GFRAL: variants seen among roughly 807,000 people sequenced by gnomAD.
The protein encoded by GFRAL is GDNF family receptor alpha like.
A neutral mutation model predicts 45.4 loss-of-function variants in GFRAL; 36 were observed. The ratio of observed to expected loss-of-function variants is 0.79; its 90% CI spans 0.61 to 1.05. The LOEUF is 1.05. GFRAL is among the 50% of genes least tolerant of loss of function. GFRAL has a pLI of 0.00. For missense variants in GFRAL, 507 were observed against 467.5 expected (o/e 1.08, Z -0.78); for synonymous variants, 166 against 154.1 (o/e 1.08, Z -0.57).
rs571517288 is a variant in GFRAL at position 55,360,836 on chromosome 6, G to A, written c.952+1698G>A. On this transcript the variant is annotated intron_variant, in intron 6 of 8. Transcript: ENST00000340465. Reference sequence around the variant, plus strand: ...TAATATATACAGTTATATAATAATGGTTATTTATAGGTTCTTTCTAATATT... The same window carrying A: ...TAATATATACAGTTATATAATAATGATTATTTATAGGTTCTTTCTAATATT... Among the ~76,000 whole-genome samples, 25 of 151,842 alleles carry A rather than the reference G, an allele frequency of 1.6e-4. No homozygotes were observed. The South Asian group carries it at 5.0e-3, about 30-fold the overall frequency.
chr6:55,366,872 A>G (rs1327789446), intron 6 of GFRAL, among the ~76,000 whole-genome samples: 1 of 106,536 alleles, frequency 9.4e-6, no homozygotes, highest in African/African-American at 4.5e-5. Flanking sequence ...TATGTGGTCA[A>G]TTTTGGAATA....
chr6:55,352,845 CA>C (rs1458705432), intron 5 of GFRAL, among the ~76,000 whole-genome samples: 6 of 151,494 alleles, frequency 4.0e-5, no homozygotes, highest in East Asian at 1.9e-4. Flanking sequence ...TTTATTAATT[CA>C]AAAAAAATTT....
intron 6 of GFRAL, among the ~76,000 whole-genome samples, chr6:55,361,238 C>A (rs578167500): frequency 2.6e-5 from 4 of 152,034 alleles, no homozygotes; most frequent in South Asian, 4.1e-4. Context: ...TTAAAGGAAC[C>A]TCAAAGGCCT....
At position 55,399,387 on chromosome 6, in the gene GFRAL, C is replaced by A; in HGVS notation, c.1067C>A (p.Ala356Asp). Residue 356 changes from alanine to aspartate, a missense_variant, in exon 8 of 9, where the codon GCC becomes GAC. Transcript: ENST00000340465. ...SPFNGEVIYA[A>D]MCMTVTCGIL... ...TTTCTAGGAGAAGTAATCTATGCTGCCATGTGCATGACAGTCACCTGTGGA... is the reference window on the plus strand; with the variant it reads ...TTTCTAGGAGAAGTAATCTATGCTGACATGTGCATGACAGTCACCTGTGGA... 6.2e-7 allele frequency: 1 copy of A among 1,610,134 alleles called. No homozygotes were observed. Among genetic ancestry groups the A allele is most frequent in the Non-Finnish European group, 8.5e-7 (1 of 1,176,630 alleles).
At chr6:55,373,165 G>A (rs989895874) in intron 6 of GFRAL, among the ~76,000 whole-genome samples, 4 of 151,986 alleles carry the variant, frequency 2.6e-5, no homozygotes, top group African/African-American at 9.7e-5. Flanking sequence ...TATACTATAG[G>A]CATTGTGCAG....
At chr6:55,359,289 T>C (rs1185560422) in intron 6 of GFRAL, 151 bp downstream of exon 6, 1 of 624,046 alleles carries the variant, frequency 1.6e-6, no homozygotes, top group Admixed American at 3.2e-5. Context: ...TGCTTTCTGA[T>C]TATGTTCTGT....
chr6:55,402,112 G>T lies in GFRAL; in HGVS notation c.*259G>T. 6.7e-6 allele frequency: 2 copies of T among 298,464 alleles called. No homozygotes were observed. Among genetic ancestry groups the T allele is most frequent in the Non-Finnish European group, 1.2e-5 (2 of 164,262 alleles). The allele number at this position is 298,464 out of a possible 1,614,324, so 18.5% of individuals were successfully genotyped here. ...CTGCCTCAGCCTTCCCGAGTAGCTGGGATTACAGGTACCCGCCACCACGCC... is the reference window on the plus strand; with the variant it reads ...CTGCCTCAGCCTTCCCGAGTAGCTGTGATTACAGGTACCCGCCACCACGCC... On this transcript the variant is annotated 3_prime_UTR_variant, in exon 9 of 9. Transcript: ENST00000340465.
chr6:55,368,691 G>A (rs1017404505), intron 6 of GFRAL, among the ~76,000 whole-genome samples: 11 of 152,084 alleles, frequency 7.2e-5, no homozygotes, highest in Non-Finnish European at 1.3e-4. Context: ...ATCTGTTGGA[G>A]TACCCTGCCC....
chr6:55,329,002 T>C (rs1356080482), intron 1 of GFRAL, among the ~76,000 whole-genome samples: 1 of 152,062 alleles, frequency 6.6e-6, no homozygotes, highest in Non-Finnish European at 1.5e-5. Context: ...GCCCCATACA[T>C]CTTTAAAACA....
chr6:55,344,396 C>A (rs1486350349), intron 3 of GFRAL, among the ~76,000 whole-genome samples: 1 of 152,162 alleles, frequency 6.6e-6, no homozygotes, highest in Non-Finnish European at 1.5e-5. Context: ...ATACGCAAAT[C>A]AATAAACATA....
At chr6:55,393,669 AG>A (rs935672318) in intron 6 of GFRAL, among the ~76,000 whole-genome samples, 4 of 152,084 alleles carry the variant, frequency 2.6e-5, no homozygotes, top group African/African-American at 9.7e-5. Context: ...AAAAGAGGCA[AG>A]GGGGGAGGAA....
intron 6 of GFRAL, among the ~76,000 whole-genome samples, chr6:55,359,747 T>A (rs1768248599): frequency 6.6e-6 from 1 of 152,026 alleles, no homozygotes; most frequent in Non-Finnish European, 1.5e-5. Context: ...GAGTTCCTAA[T>A]GGCTAAACCC....
intron 4 of GFRAL, 27 bp downstream of exon 4, chr6:55,350,172 T>A (rs1485913080): frequency 7.4e-7 from 1 of 1,354,530 alleles, no homozygotes; most frequent in East Asian, 2.3e-5. Context: ...ATTATTTTGA[T>A]CTGCATTGCA....
At chr6:55,390,893 CAT>C (rs1491361079) in intron 6 of GFRAL, among the ~76,000 whole-genome samples, 21,598 of 122,680 alleles carry the variant, frequency 0.18, 2,155 homozygotes, top group African/African-American at 0.34. Flanking sequence ...ATCTCACACA[CAT>C]ACACACACAC....
At chr6:55,333,315 T>C (rs528375326) in intron 2 of GFRAL, among the ~76,000 whole-genome samples, 22 of 152,238 alleles carry the variant, frequency 1.4e-4, no homozygotes, top group African/African-American at 5.3e-4. Flanking sequence ...TATTCAATAA[T>C]ATTTATTGAG....
chr6:55,351,146 G>A, intron 4 of GFRAL, 107 bp from the exon 5 acceptor site: 1 of 765,836 alleles, frequency 1.3e-6, no homozygotes, highest in South Asian at 1.8e-5. Flanking sequence ...ATAGGACATT[G>A]GTACATCATT....
rs779253139 is a variant in GFRAL at position 55,399,183 on chromosome 6, A to T, written c.956A>T (p.Tyr319Phe). ...HMLHRKSCFN[Y>F]PTLSNVKGMA... ...CATTTTTATGATTTTCTTTCAGATT[A>T]TCCAACCCTGTCTAATGTCAAAGGC... Residue 319 changes from tyrosine to phenylalanine, a missense_variant, in exon 7 of 9, where the codon TAT becomes TTT. By Grantham distance (22) the Tyr-to-Phe change is conservative (BLOSUM62 3). Transcript: ENST00000340465. The T allele has an allele frequency of 1.3e-6, 2 of 1,545,646 alleles. No homozygotes were observed. The highest frequency in any genetic ancestry group is 1.8e-6 in the Non-Finnish European group (2 of 1,132,172).
intron 5 of GFRAL, among the ~76,000 whole-genome samples, chr6:55,352,927 G>A (rs1768136960): frequency 6.6e-6 from 1 of 152,046 alleles, no homozygotes; most frequent in Non-Finnish European, 1.5e-5. Flanking sequence ...TTATAGTCCA[G>A]AGAGAAGACA....
intron 3 of GFRAL, among the ~76,000 whole-genome samples, chr6:55,342,438 A>T (rs1348073353): frequency 1.3e-5 from 2 of 152,030 alleles, no homozygotes; most frequent in African/African-American, 2.4e-5. Flanking sequence ...TTCATAAGTG[A>T]AGGAGAAATA....
Sources: allele counts gnomAD v4.1 joint callset (sites outside exome capture counted in the v4.1 genomes callset), GRCh38; gene constraint gnomAD v4.1.1; transcripts MANE v1.5; gene names NCBI Gene and HGNC (gene_info 2026-07-23, HGNC 2026-07-21).